MTMR3: variants seen among roughly 807,000 people sequenced by gnomAD.
The protein encoded by MTMR3 is myotubularin related protein 3.
Under a neutral mutation model 132.4 loss-of-function variants are expected in MTMR3, and 32 were observed. The observed-to-expected ratio is 0.24, with a 90% CI of 0.18 to 0.32. The LOEUF is 0.32. Ranked by LOEUF, MTMR3 falls within the 10% of genes least tolerant of loss-of-function variation. The pLI, the probability that MTMR3 is intolerant of heterozygous loss-of-function variation, is 1.00. For missense variants in MTMR3, 1,216 were observed against 1,489.6 expected, an observed-to-expected ratio of 0.82 and a Z score of 3.02; for synonymous variants, 556 against 550.3, an observed-to-expected ratio of 1.01 and a Z score of -0.14.
chr22:29,951,150 A>G (rs1261876988), intron 1 of MTMR3, among the ~76,000 whole-genome samples: 2 of 138,446 alleles, frequency 1.4e-5, no homozygotes, highest in African/African-American at 3.5e-5. Context: ...ACTCAGTCTC[A>G]AAAAAAAAGT....
intron 1 of MTMR3, among the ~76,000 whole-genome samples, chr22:29,888,039 C>T (rs780491578): frequency 6.6e-6 from 1 of 151,284 alleles, no homozygotes; most frequent in African/African-American, 2.4e-5. Flanking sequence ...TTTTTGGACA[C>T]AGAATCTTGC....
chr22:29,899,096 C>A (rs1057180142), intron 1 of MTMR3, among the ~76,000 whole-genome samples: 2 of 152,118 alleles, frequency 1.3e-5, no homozygotes, highest in African/African-American at 2.4e-5. Context: ...GAATTACTTA[C>A]ATTTATAGCA....
In MTMR3 at chr22:29,916,409, G is replaced by A. The variant is rs117574353; in HGVS notation, c.-138+33050G>A. On this transcript the variant is annotated intron_variant, in intron 1 of 19. Coordinates refer to ENST00000401950, the MANE Select transcript of MTMR3 (RefSeq NM_021090.4). ...ACAAATTACAGCTGCTTCAGCCTTC[G>A]GAGACACATTTAAGTTTCTGATTGG... Among the ~76,000 whole-genome samples, 157 of 152,250 alleles carry A rather than the reference G, an allele frequency of 1.0e-3. 1 individual carries two copies. The East Asian group carries it at 0.022, about 21-fold the overall frequency.
chr22:30,025,856 C>G lies in MTMR3; in HGVS notation c.*55C>G. The G allele has an allele frequency of 3.8e-6, 6 of 1,590,500 alleles. No individual in the cohort carries two copies. Among genetic ancestry groups the G allele is most frequent in the Non-Finnish European group, 5.2e-6 (6 of 1,160,934 alleles). On this transcript the variant is annotated 3_prime_UTR_variant, in exon 20 of 20. Transcript: ENST00000401950. Reference sequence around the variant, plus strand: ...AGCTGCTGTTCCTATGACAGGCCCACTCAACCTGGGCAGACCGAGAGGCCC... The same window carrying G: ...AGCTGCTGTTCCTATGACAGGCCCAGTCAACCTGGGCAGACCGAGAGGCCC...
At chr22:29,997,924 T>C (rs1889068835) in intron 7 of MTMR3, 1 of 152,238 alleles carries the variant, frequency 6.6e-6, no homozygotes, top group South Asian at 2.1e-4. Context: ...GAGCCTAATA[T>C]TATATTCGCT....
intron 1 of MTMR3, among the ~76,000 whole-genome samples, chr22:29,927,395 C>T (rs1397377209): frequency 6.6e-6 from 1 of 152,132 alleles, no homozygotes; most frequent in Non-Finnish European, 1.5e-5. Flanking sequence ...AAAAAGCTCA[C>T]TGATAGAAAG....
intron 1 of MTMR3, among the ~76,000 whole-genome samples, chr22:29,955,380 A>G (rs1412653328): frequency 2.0e-5 from 3 of 152,242 alleles, no homozygotes; most frequent in African/African-American, 7.2e-5. Context: ...TTTCATGCAA[A>G]TACTCAGGTA....
intron 2 of MTMR3, among the ~76,000 whole-genome samples, chr22:29,958,911 T>C (rs898844561): frequency 2.6e-5 from 4 of 152,214 alleles, no homozygotes; most frequent in Middle Eastern, 3.2e-3. Context: ...AGATTGGTTT[T>C]AGTAGAGATT....
At chr22:29,907,461 A>G (rs1175213919) in intron 1 of MTMR3, among the ~76,000 whole-genome samples, 3 of 143,210 alleles carry the variant, frequency 2.1e-5, no homozygotes, top group East Asian at 1.9e-4. Context: ...TACTAAAGCT[A>G]CTTACTAAAG....
intron 10 of MTMR3, 21 bp downstream of exon 10, chr22:30,007,340 A>G (rs777433424): frequency 3.1e-6 from 5 of 1,608,948 alleles, no homozygotes; most frequent in Middle Eastern, 1.7e-4. Flanking sequence ...CCCTGGACCC[A>G]TGGCAATGAT....
At chr22:29,910,419 T>G (rs1051362258) in intron 1 of MTMR3, among the ~76,000 whole-genome samples, 2 of 152,090 alleles carry the variant, frequency 1.3e-5, no homozygotes, top group Non-Finnish European at 2.9e-5. Flanking sequence ...TGTTTCAGAG[T>G]GATTACTCCT....
chr22:30,025,942 A>C lies in MTMR3; in HGVS notation c.*141A>C. On this transcript the variant is annotated 3_prime_UTR_variant, in exon 20 of 20. Coordinates refer to ENST00000401950, the MANE Select transcript of MTMR3 (RefSeq NM_021090.4). Reference sequence around the variant, plus strand: ...CAGAGTGACAGATTTGGGATGCACCACTGGATTGTAGATTGATTTTTCTTT... The same window carrying C: ...CAGAGTGACAGATTTGGGATGCACCCCTGGATTGTAGATTGATTTTTCTTT... 3 of 769,592 alleles carry C rather than the reference A, an allele frequency of 3.9e-6. No individual in the cohort carries two copies. 47.7% of individuals were successfully genotyped at this position (769,592 alleles called of 1,614,324 possible).
intron 16 of MTMR3, chr22:30,018,274 C>T: frequency 3.6e-6 from 2 of 550,974 alleles, no homozygotes; most frequent in Non-Finnish European, 6.1e-6. Context: ...TGAGTTAGGC[C>T]CTGTTGCTTC....
chr22:29,889,072 GA>G (rs1195631703), intron 1 of MTMR3, among the ~76,000 whole-genome samples: 1 of 151,950 alleles, frequency 6.6e-6, no homozygotes, highest in African/African-American at 2.4e-5. Context: ...GTTATAACTT[GA>G]AATAGGGTTG....
chr22:29,963,136 G>A (rs1229118797), intron 2 of MTMR3, among the ~76,000 whole-genome samples: 1 of 151,784 alleles, frequency 6.6e-6, no homozygotes, highest in Admixed American at 6.6e-5. Context: ...TTATAGAGAT[G>A]GTGTTTTGCC....
chr22:30,017,261 C>T (rs1487310730), intron 15 of MTMR3: 1 of 154,302 alleles, frequency 6.5e-6, no homozygotes, highest in Non-Finnish European at 1.4e-5. Context: ...GGCACATAGA[C>T]CTATGTGTCA....
intron 9 of MTMR3, 174 bp from the exon 10 acceptor site, chr22:30,006,940 G>A: frequency 1.6e-6 from 1 of 626,192 alleles, no homozygotes; most frequent in East Asian, 2.8e-5. Context: ...AGGTTTTGTT[G>A]TTTGTTCTTG....
intron 1 of MTMR3, among the ~76,000 whole-genome samples, chr22:29,902,322 A>G (rs2065015814): frequency 6.6e-6 from 1 of 151,310 alleles, no homozygotes; most frequent in African/African-American, 2.4e-5. Context: ...TTCATATTTT[A>G]TGTTTTTAGT....
chr22:29,948,520 T>C (rs1879472906), intron 1 of MTMR3, among the ~76,000 whole-genome samples: 1 of 152,206 alleles, frequency 6.6e-6, no homozygotes, highest in Non-Finnish European at 1.5e-5. Context: ...ATATCTCAAA[T>C]ACCTACACAG....
Sources: gnomAD v4.1 joint callset for allele counts (sites outside exome capture counted in the v4.1 genomes callset) on GRCh38, gnomAD v4.1.1 for gene constraint, MANE v1.5 for transcripts, NCBI Gene and HGNC (gene_info 2026-07-23, HGNC 2026-07-21) for gene names.